Variants in SPOCK3 observed in about 807,000 individuals in gnomAD.
The protein encoded by SPOCK3 is SPARC (osteonectin), cwcv and kazal like domains proteoglycan 3, also known as testican-3.
In SPOCK3, 30 loss-of-function variants were observed where a neutral mutation model predicts 56.6. The ratio of observed to expected loss-of-function variants is 0.53; its 90% CI spans 0.40 to 0.72. The LOEUF is 0.72. Ranked by LOEUF, SPOCK3 falls within the 30% of genes least tolerant of loss-of-function variation. The pLI, the probability that SPOCK3 is intolerant of heterozygous loss-of-function variation, is 0.00. For synonymous variants in SPOCK3, 196 were observed against 183.3 expected (o/e 1.07, Z -0.56); for missense variants, 527 against 530.0 (o/e 0.99, Z 0.06).
chr4:166,955,340 G>A (rs530561033), intron 4 of SPOCK3, among the ~76,000 whole-genome samples: 2 of 150,638 alleles, frequency 1.3e-5, no homozygotes, highest in African/African-American at 4.9e-5. Flanking sequence ...CATTCCTATA[G>A]GCACTCAAAG....
chr4:166,974,561 C>G (rs1450318296), intron 4 of SPOCK3, among the ~76,000 whole-genome samples: 2 of 152,056 alleles, frequency 1.3e-5, no homozygotes, highest in African/African-American at 4.8e-5. Context: ...TTCTTTACAA[C>G]AGAATTCCTC....
intron 5 of SPOCK3, among the ~76,000 whole-genome samples, chr4:166,895,510 C>A (rs1379634379): frequency 6.6e-6 from 1 of 151,694 alleles, no homozygotes; most frequent in East Asian, 1.9e-4. Context: ...AAAGAAAAGA[C>A]TTTGAATACT....
intron 2 of SPOCK3, among the ~76,000 whole-genome samples, chr4:167,074,355 T>C (rs1756976591): frequency 6.6e-6 from 1 of 151,996 alleles, no homozygotes; most frequent in Non-Finnish European, 1.5e-5. Context: ...TCCACGTGGC[T>C]GAAACTAAGG....
intron 4 of SPOCK3, among the ~76,000 whole-genome samples, chr4:166,956,676 T>C (rs1433199022): frequency 6.6e-6 from 1 of 151,354 alleles, no homozygotes; most frequent in Admixed American, 6.6e-5. Flanking sequence ...AAGGGGAGAG[T>C]ACCGTATTAC....
intron 4 of SPOCK3, among the ~76,000 whole-genome samples, chr4:166,990,955 C>T (rs572868196): frequency 1.3e-5 from 2 of 152,204 alleles, no homozygotes; most frequent in Admixed American, 6.5e-5. Flanking sequence ...ATTAAGTTCA[C>T]TATAGCACCT....
chr4:166,803,050 G>T (rs547595785), intron 6 of SPOCK3, among the ~76,000 whole-genome samples: 1 of 151,996 alleles, frequency 6.6e-6, no homozygotes, highest in African/African-American at 2.4e-5. Context: ...GACAAATAAA[G>T]CACACACACA....
chr4:166,966,389 A>C (rs1308122171), intron 4 of SPOCK3, among the ~76,000 whole-genome samples: 5 of 152,116 alleles, frequency 3.3e-5, no homozygotes, highest in Admixed American at 3.3e-4. Flanking sequence ...CTGTGACAAA[A>C]TGTGGCCAGT....
intron 4 of SPOCK3, among the ~76,000 whole-genome samples, chr4:166,958,265 C>A (rs750351850): frequency 1.3e-5 from 2 of 152,152 alleles, no homozygotes; most frequent in East Asian, 1.9e-4. Flanking sequence ...GTGTGATGAG[C>A]CTGCTCCCCC....
intron 2 of SPOCK3, among the ~76,000 whole-genome samples, chr4:167,221,260 T>C (rs1360533924): frequency 6.6e-6 from 1 of 151,824 alleles, no homozygotes. Context: ...CCCAGCTACT[T>C]GAGAAGCGAA....
At chr4:166,979,499 A>T (rs1342930400) in intron 4 of SPOCK3, among the ~76,000 whole-genome samples, 2 of 152,150 alleles carry the variant, frequency 1.3e-5, no homozygotes, top group African/African-American at 4.8e-5. Context: ...TGCTCTGAAT[A>T]CCAATTCAGA....
At chr4:166,786,140 C>T (rs905650489) in intron 7 of SPOCK3, among the ~76,000 whole-genome samples, 5 of 151,974 alleles carry the variant, frequency 3.3e-5, no homozygotes, top group African/African-American at 4.8e-5. Context: ...AGGGAAGGCA[C>T]CTAGTGAGGA....
chr4:166,889,075 A>G, intron 6 of SPOCK3, 55 bp downstream of exon 6: 1 of 1,107,744 alleles, frequency 9.0e-7, no homozygotes, highest in Non-Finnish European at 1.4e-6. Context: ...CTATTGCAAA[A>G]CATTTTAGTA....
chr4:167,093,410 T>G (rs933727037), intron 2 of SPOCK3, among the ~76,000 whole-genome samples: 1 of 152,096 alleles, frequency 6.6e-6, no homozygotes, highest in African/African-American at 2.4e-5. Flanking sequence ...GTCATCTACA[T>G]TATGTATTTC....
intron 2 of SPOCK3, among the ~76,000 whole-genome samples, chr4:167,078,951 T>C (rs375852356): frequency 5.3e-5 from 8 of 151,904 alleles, no homozygotes; most frequent in African/African-American, 1.9e-4. Context: ...TACAGTTCTA[T>C]ATAATTTTTA....
At chr4:166,912,379 CAAAGG>C (rs1368922517) in intron 5 of SPOCK3, among the ~76,000 whole-genome samples, 1 of 151,972 alleles carries the variant, frequency 6.6e-6, no homozygotes, top group Non-Finnish European at 1.5e-5. Context: ...ATAGTAGCAA[CAAAGG>C]AAAGGTTGGC....
At chr4:166,924,807 T>C (rs529329732) in intron 4 of SPOCK3, among the ~76,000 whole-genome samples, 5 of 152,338 alleles carry the variant, frequency 3.3e-5, no homozygotes, top group African/African-American at 9.6e-5. Context: ...CTTCCCACCA[T>C]ATTGAAGGGA....
chr4:167,227,198 T>C (rs1229623806), intron 2 of SPOCK3, among the ~76,000 whole-genome samples: 1 of 152,358 alleles, frequency 6.6e-6, no homozygotes, highest in East Asian at 1.9e-4. Flanking sequence ...CATTGTCATC[T>C]GCTGTTGACC....
At chr4:167,094,499 AAAAGT>A (rs1758977333) in intron 2 of SPOCK3, among the ~76,000 whole-genome samples, 1 of 152,054 alleles carries the variant, frequency 6.6e-6, no homozygotes, top group Admixed American at 6.6e-5. Context: ...ACCCATATCA[AAAAGT>A]AAAGAGAAAA....
intron 5 of SPOCK3, among the ~76,000 whole-genome samples, chr4:166,911,250 C>CCATG (rs1553999959): frequency 1.3e-5 from 2 of 152,086 alleles, no homozygotes; most frequent in African/African-American, 2.4e-5. Context: ...CTAGTGTGTA[C>CCATG]TATGTATTTA....
Sources: allele counts gnomAD v4.1 joint callset (sites outside exome capture counted in the v4.1 genomes callset), GRCh38; gene constraint gnomAD v4.1.1; transcripts MANE v1.5; gene names NCBI Gene and HGNC (gene_info 2026-07-23, HGNC 2026-07-21).